Variants in LHFPL3 observed in about 807,000 individuals in gnomAD.
The protein encoded by LHFPL3 is LHFPL tetraspan subfamily member 3, also known as LHFPL tetraspan subfamily member 3 protein.
Under a neutral mutation model 19.3 loss-of-function variants are expected in LHFPL3, and 5 were observed. The observed-to-expected ratio is 0.26, with a 90% CI of 0.14 to 0.54. LHFPL3 has a LOEUF of 0.54. Among genes scored for constraint, LHFPL3 ranks in the 20% least tolerant of loss-of-function variants. LHFPL3 has a pLI of 0.94. For synonymous variants in LHFPL3, 133 were observed against 126.2 expected (o/e 1.05, Z -0.36); for missense variants, 249 against 307.4 (o/e 0.81, Z 1.42).
At chr7:104,835,310 T>G (rs916324330) in intron 2 of LHFPL3, among the ~76,000 whole-genome samples, 3 of 152,024 alleles carry the variant, frequency 2.0e-5, no homozygotes, top group African/African-American at 7.3e-5. Context: ...CTGTGTGTTC[T>G]TCTAGTCAAA....
chr7:104,575,475 C>T (rs150829241), intron 1 of LHFPL3, among the ~76,000 whole-genome samples: 1 of 141,518 alleles, frequency 7.1e-6, no homozygotes, highest in African/African-American at 2.6e-5. Context: ...GTGTTATGTG[C>T]AATTTTTATA....
chr7:104,567,351 T>C (rs1790143113), intron 1 of LHFPL3, among the ~76,000 whole-genome samples: 1 of 152,214 alleles, frequency 6.6e-6, no homozygotes, highest in Admixed American at 6.5e-5. Context: ...GCTACTGGCT[T>C]GACAGAGACT....
chr7:104,824,434 A>ATT (rs1790765455), intron 2 of LHFPL3, among the ~76,000 whole-genome samples: 1 of 57,112 alleles, frequency 1.8e-5, no homozygotes, highest in Non-Finnish European at 2.9e-5. Flanking sequence ...AATATATATA[A>ATT]TTATAGATAA....
At chr7:104,629,741 G>A (rs1308318912) in intron 1 of LHFPL3, among the ~76,000 whole-genome samples, 3 of 152,210 alleles carry the variant, frequency 2.0e-5, no homozygotes, top group Non-Finnish European at 2.9e-5. Context: ...CAGTGTGTGT[G>A]TCAGTCATAT....
At chr7:104,890,742 G>A (rs1328460541) in intron 2 of LHFPL3, among the ~76,000 whole-genome samples, 1 of 152,220 alleles carries the variant, frequency 6.6e-6, no homozygotes, top group Non-Finnish European at 1.5e-5. Flanking sequence ...GGTGGCCAGT[G>A]AGGACCATCT....
chr7:104,467,087 C>T (rs60635400), intron 1 of LHFPL3, among the ~76,000 whole-genome samples: 27,136 of 151,810 alleles, frequency 0.18, 2,415 homozygotes, highest in African/African-American at 0.21. Context: ...TTATTTTTTA[C>T]TCCTTTACTT....
chr7:104,819,038 C>G (rs1790625472), intron 2 of LHFPL3, among the ~76,000 whole-genome samples: 1 of 152,066 alleles, frequency 6.6e-6, no homozygotes. Context: ...CCTATTGTGG[C>G]ATTCATAATG....
intron 2 of LHFPL3, among the ~76,000 whole-genome samples, chr7:104,893,809 A>G (rs1792299442): frequency 6.6e-6 from 1 of 151,140 alleles, no homozygotes; most frequent in African/African-American, 2.4e-5. Context: ...AAAATTAGCC[A>G]GGCATGGTGG....
At chr7:104,766,404 G>A (rs1009003322) in intron 2 of LHFPL3, among the ~76,000 whole-genome samples, 1 of 152,140 alleles carries the variant, frequency 6.6e-6, no homozygotes, top group African/African-American at 2.4e-5. Context: ...CTTTCACTTG[G>A]ATTGTTTCTC....
intron 2 of LHFPL3, among the ~76,000 whole-genome samples, chr7:104,847,636 G>T (rs923579599): frequency 1.3e-5 from 2 of 152,120 alleles, no homozygotes; most frequent in African/African-American, 4.8e-5. Flanking sequence ...TCAGCCTCCT[G>T]AGTAACTGGG....
At chr7:104,598,752 A>G (rs751551299) in intron 1 of LHFPL3, among the ~76,000 whole-genome samples, 6 of 152,214 alleles carry the variant, frequency 3.9e-5, no homozygotes, top group Non-Finnish European at 7.3e-5. Flanking sequence ...AAGAGTTTCT[A>G]TAGGAAATCA....
intron 2 of LHFPL3, among the ~76,000 whole-genome samples, chr7:104,801,258 A>G (rs1319431564): frequency 1.3e-5 from 2 of 152,172 alleles, no homozygotes; most frequent in African/African-American, 4.8e-5. Context: ...TAACAGGGAC[A>G]CTAGCACAAA....
intron 1 of LHFPL3, among the ~76,000 whole-genome samples, chr7:104,380,886 G>C (rs1013363113): frequency 6.6e-6 from 1 of 152,082 alleles, no homozygotes; most frequent in African/African-American, 2.4e-5. Flanking sequence ...AGAATTTACG[G>C]TATAAAAGGA....
At chr7:104,533,388 T>C (rs1480773807) in intron 1 of LHFPL3, among the ~76,000 whole-genome samples, 1 of 152,174 alleles carries the variant, frequency 6.6e-6, no homozygotes, top group African/African-American at 2.4e-5. Context: ...TTGTCTTCTG[T>C]TCCCCTCCCA....
In LHFPL3 at chr7:104,339,238, A is replaced by G. The variant is rs926828806; in HGVS notation, c.445+10014A>G. Among the ~76,000 whole-genome samples the G allele has an allele frequency of 4.0e-5, 6 of 149,292 alleles. No individual in the cohort carries two copies. The Admixed American group carries it at 4.2e-4, about 10-fold the overall frequency. ...ACTTCACCCTGGGCAACAAGAGCGAAACTCCGTCTCAAAAAAAAAAGAAAA... is the reference window on the plus strand; with the variant it reads ...ACTTCACCCTGGGCAACAAGAGCGAGACTCCGTCTCAAAAAAAAAAGAAAA... On this transcript the variant is annotated intron_variant, in intron 1 of 2. Coordinates refer to ENST00000424859, the MANE Select transcript of LHFPL3 (RefSeq NM_199000.3).
At chr7:104,482,595 A>T (rs1418078143) in intron 1 of LHFPL3, among the ~76,000 whole-genome samples, 1 of 152,180 alleles carries the variant, frequency 6.6e-6, no homozygotes, top group Non-Finnish European at 1.5e-5. Flanking sequence ...AGAGTGAGTC[A>T]GTCATTTTTC....
chr7:104,733,710 A>C (rs1360222619), intron 1 of LHFPL3, among the ~76,000 whole-genome samples: 1 of 152,202 alleles, frequency 6.6e-6, no homozygotes, highest in Non-Finnish European at 1.5e-5. Flanking sequence ...TGGAGGATTT[A>C]GCCCATTTAC....
At chr7:104,478,482 T>C (rs1038128766) in intron 1 of LHFPL3, among the ~76,000 whole-genome samples, 1 of 152,130 alleles carries the variant, frequency 6.6e-6, no homozygotes, top group African/African-American at 2.4e-5. Context: ...TAATTAGGCA[T>C]GGAGTCCTCC....
intron 1 of LHFPL3, among the ~76,000 whole-genome samples, chr7:104,391,227 G>A: frequency 6.6e-6 from 1 of 152,116 alleles, no homozygotes; most frequent in African/African-American, 2.4e-5. Flanking sequence ...TGTTGCCATT[G>A]CTTTTGGTGT....
Sources: allele counts gnomAD v4.1 joint callset (sites outside exome capture counted in the v4.1 genomes callset), GRCh38; gene constraint gnomAD v4.1.1; transcripts MANE v1.5; gene names NCBI Gene and HGNC (gene_info 2026-07-23, HGNC 2026-07-21).